PLEKHA6: variants seen among roughly 807,000 people sequenced by gnomAD.
PLEKHA6 encodes pleckstrin homology domain-containing family A member 6.
In PLEKHA6, 60 loss-of-function variants were observed where a neutral mutation model predicts 116.7. The ratio of observed to expected loss-of-function variants is 0.51; its 90% CI spans 0.42 to 0.64. The LOEUF (loss-of-function observed/expected upper bound fraction) is 0.64. Among genes scored for constraint, PLEKHA6 ranks in the 30% least tolerant of loss-of-function variants. The pLI is 0.00. For synonymous variants in PLEKHA6, 489 were observed against 556.1 expected (o/e 0.88, Z 1.70); for missense variants, 1,338 against 1,422.7 (o/e 0.94, Z 0.96).
intron 1 of PLEKHA6, among the ~76,000 whole-genome samples, chr1:204,320,735 G>A (rs895032067): frequency 2.0e-5 from 3 of 152,160 alleles, no homozygotes; most frequent in Non-Finnish European, 2.9e-5. Context: ...CCTCCTGTAC[G>A]CACAGCACAC....
intron 1 of PLEKHA6, among the ~76,000 whole-genome samples, chr1:204,333,485 A>G (rs929500297): frequency 6.6e-6 from 1 of 152,224 alleles, no homozygotes; most frequent in Non-Finnish European, 1.5e-5. Context: ...TTTTACACAC[A>G]TTGACTATTT....
At chr1:204,300,368 A>C (rs964786189) in intron 1 of PLEKHA6, among the ~76,000 whole-genome samples, 2 of 152,140 alleles carry the variant, frequency 1.3e-5, no homozygotes, top group African/African-American at 4.8e-5. Flanking sequence ...TGTGCATTTC[A>C]CTGGCTCTGT....
intron 21 of PLEKHA6, among the ~76,000 whole-genome samples, chr1:204,227,237 C>A (rs930700781): frequency 7.2e-5 from 11 of 152,202 alleles, no homozygotes; most frequent in Non-Finnish European, 1.6e-4. Flanking sequence ...ATGGCTCCCC[C>A]TTCTGAGTCA....
intron 3 of PLEKHA6, among the ~76,000 whole-genome samples, chr1:204,271,523 T>C (rs12738043): frequency 0.18 from 27,144 of 152,184 alleles, 2,535 homozygotes; most frequent in East Asian, 0.28. Context: ...CACAACCCTA[T>C]GCAAATCTCT....
Position 204,228,114 on chromosome 1 carries a change from G to C in PLEKHA6, c.3000C>G (p.Thr1000=), listed in dbSNP as rs775336208. 2 of 1,612,704 alleles carry C rather than the reference G, an allele frequency of 1.2e-6. No individual in the cohort carries two copies. The highest frequency in any genetic ancestry group is 1.1e-5 in the South Asian group (1 of 90,926). ...KRIEISCALA[T]EASRRGRMLS... is the part of the protein sequence containing the mutation. ...GCATGCGGCCCCTGCGGGAGGCCTC[G>C]GTCGCCAGGGCGCAGGAGATTTCAA... The change falls in exon 21 of 23, where the codon ACC becomes ACG. Residue 1000 remains threonine (T), a synonymous_variant. Coordinates refer to ENST00000272203, the MANE Select transcript of PLEKHA6 (RefSeq NM_014935.5). The surrounding 1 kb of genome is among the most constrained non-coding windows in gnomAD (Gnocchi z 4.0).
intron 1 of PLEKHA6, chr1:204,326,988 G>A (rs1343208447): frequency 2.0e-6 from 2 of 985,226 alleles, no homozygotes; most frequent in Non-Finnish European, 2.4e-6. Context: ...GGGTACGGCA[G>A]CCTCTGTAGT....
intron 12 of PLEKHA6, among the ~76,000 whole-genome samples, chr1:204,248,411 C>A (rs2102636782): frequency 6.6e-6 from 1 of 152,276 alleles, no homozygotes; most frequent in South Asian, 2.1e-4. Context: ...GCCTTGGCCT[C>A]CCAAAGTGCT....
Position 204,259,721 on chromosome 1 carries a change from C to G in PLEKHA6, c.544G>C (p.Glu182Gln), listed in dbSNP as rs1665865470. The change falls in exon 8 of 23, where the codon GAG (glutamate) becomes CAG (glutamine). Residue 182 changes from glutamate to glutamine, a missense_variant. Transcript: ENST00000272203. This position sits in a 1 kb window ranked among gnomAD's most constrained non-coding sequence, Gnocchi z 4.6. ...TGGTGCTTGCTGGGTGGGACGTTCT[C>G]CGAGTCTGGCTTCTCATGGCTGCAG... ...VRHSHEKPDS[E>Q]NVPPSKHHQQ... 7 of 1,611,004 alleles carry G rather than the reference C, an allele frequency of 4.3e-6. No individual in the cohort carries two copies. The highest frequency in any genetic ancestry group is 5.9e-6 in the Non-Finnish European group (7 of 1,178,202).
At chr1:204,258,107 C>T (rs1479432681) in intron 8 of PLEKHA6, among the ~76,000 whole-genome samples, 2 of 152,164 alleles carry the variant, frequency 1.3e-5, no homozygotes, top group Non-Finnish European at 2.9e-5. Context: ...TTTAAAATGA[C>T]ATATCCCTAG....
intron 1 of PLEKHA6, among the ~76,000 whole-genome samples, chr1:204,318,974 A>C (rs768407652): frequency 2.0e-4 from 31 of 152,182 alleles, no homozygotes; most frequent in Non-Finnish European, 3.1e-4. Flanking sequence ...AAAATCAGGT[A>C]ATCTCCATCT....
intron 1 of PLEKHA6, among the ~76,000 whole-genome samples, chr1:204,282,211 A>G (rs976419019): frequency 6.6e-6 from 1 of 152,154 alleles, no homozygotes; most frequent in Non-Finnish European, 1.5e-5. Flanking sequence ...AGTCAGGGTA[A>G]CGGGTTCAAG....
chr1:204,253,833 C>CA (rs5780222), intron 9 of PLEKHA6, among the ~76,000 whole-genome samples: 15,917 of 131,514 alleles, frequency 0.12, 1,257 homozygotes, highest in Non-Finnish European at 0.17. Context: ...GATCTTGTCT[C>CA]AAAAAAAAAA....
At chr1:204,350,048 G>A (rs1336314512) in intron 1 of PLEKHA6, among the ~76,000 whole-genome samples, 5 of 152,194 alleles carry the variant, frequency 3.3e-5, no homozygotes, top group Admixed American at 2.6e-4. Flanking sequence ...CTGGCCAGGC[G>A]CAGTGGTTCA....
upstream of PLEKHA6, among the ~76,000 whole-genome samples, chr1:204,360,490 C>A (rs530950733): frequency 6.6e-6 from 1 of 151,710 alleles, no homozygotes; most frequent in Non-Finnish European, 1.5e-5. Flanking sequence ...GGAGCCACTG[C>A]CCCCACACCA....
chr1:204,240,429 T>C (rs1662643275), intron 17 of PLEKHA6, among the ~76,000 whole-genome samples: 1 of 152,244 alleles, frequency 6.6e-6, no homozygotes, highest in Admixed American at 6.5e-5. Context: ...GCAGGGACTG[T>C]AATGGTCATG....
At chr1:204,345,255 C>CA (rs921392848) in intron 1 of PLEKHA6, among the ~76,000 whole-genome samples, 1 of 152,066 alleles carries the variant, frequency 6.6e-6, no homozygotes, top group South Asian at 2.1e-4. Flanking sequence ...TATTTTGATA[C>CA]AAAAAAGTCC....
chr1:204,219,473 T>A lies in PLEKHA6; in HGVS notation c.*3315A>T, dbSNP rs1025349824. On this transcript the variant is annotated 3_prime_UTR_variant, in exon 23 of 23. Coordinates refer to ENST00000272203, the MANE Select transcript of PLEKHA6 (RefSeq NM_014935.5). Reference sequence around the variant, plus strand: ...TTGACTGCAGCCTCTTGGTTATTGATCATGGAGGTAATGTGCTCATTGAGA... The same window carrying A: ...TTGACTGCAGCCTCTTGGTTATTGAACATGGAGGTAATGTGCTCATTGAGA... 14 of 152,294 alleles carry A rather than the reference T, an allele frequency of 9.2e-5. No individual in the cohort carries two copies. Among genetic ancestry groups the A allele is most frequent in the African/African-American group, 3.1e-4 (13 of 41,420 alleles). The allele number at this position is 152,294 out of a possible 1,614,324, so 9.4% of individuals were successfully genotyped here. A position where few individuals can be genotyped will look rare whatever the true frequency, so the allele number is the denominator to read the frequency against.
chr1:204,369,474 G>C (rs980420229), intron 2 of PLEKHA6: 3 of 152,266 alleles, frequency 2.0e-5, no homozygotes, highest in Admixed American at 6.5e-5. Flanking sequence ...TCCCCAAGTA[G>C]AGGGATCCCC....
rs1313549954 is a variant in PLEKHA6, at chr1:204,228,199, C to T, written c.2915G>A (p.Gly972Glu). Reference sequence around the variant, plus strand: ...GTCCTGGGGCACGTCCACAGAGTCCCCCTCGCCGATGGGCACCACGTTCTG... The same window carrying T: ...GTCCTGGGGCACGTCCACAGAGTCCTCCTCGCCGATGGGCACCACGTTCTG... The part of the protein sequence containing the change: ...SMQNVVPIGE[G>E]DSVDVPQDSE... The change falls in exon 21 of 23, where the codon GGG becomes GAG. Residue 972 changes from glycine (G) to glutamate (E), a missense_variant. Physicochemically the swap from Gly to Glu is moderately conservative, Grantham distance 98 (BLOSUM62 -2). Coordinates refer to ENST00000272203, the MANE Select transcript of PLEKHA6 (RefSeq NM_014935.5). This position sits in a 1 kb window ranked among gnomAD's most constrained non-coding sequence, Gnocchi z 4.0. 2.5e-6 allele frequency: 4 copies of T among 1,610,718 alleles called. No homozygotes were observed. The highest frequency in any genetic ancestry group is 2.2e-5 in the East Asian group (1 of 44,726).
Sources: allele counts gnomAD v4.1 joint callset (sites outside exome capture counted in the v4.1 genomes callset), GRCh38; gene constraint gnomAD v4.1.1; non-coding constraint Gnocchi (gnomAD v3.1); transcripts MANE v1.5; gene names NCBI Gene and HGNC (gene_info 2026-07-23, HGNC 2026-07-21).